MYO16: variants seen among roughly 807,000 people sequenced by gnomAD.
The protein encoded by MYO16 is myosin XVI.
A neutral mutation model predicts 205.3 loss-of-function variants in MYO16; 94 were observed. That is an observed-to-expected ratio of 0.46 (90% CI 0.39 to 0.54). The LOEUF (loss-of-function observed/expected upper bound fraction) is 0.54, where lower values mean the gene tolerates loss of function less well. Ranked by LOEUF, MYO16 falls within the 20% of genes least tolerant of loss-of-function variation. The pLI is 0.00. For synonymous variants in MYO16, 988 were observed against 954.0 expected (o/e 1.04, Z -0.66); for missense variants, 2,315 against 2,387.5 (o/e 0.97, Z 0.63).
chr13:108,880,394 T>C (rs1212582549), intron 12 of MYO16, among the ~76,000 whole-genome samples: 1 of 152,386 alleles, frequency 6.6e-6, no homozygotes, highest in Middle Eastern at 3.4e-3. Context: ...ATTTTGACTT[T>C]TGTTGCCATT....
intron 1 of MYO16, among the ~76,000 whole-genome samples, chr13:108,622,418 TC>T (rs1330638648): frequency 6.6e-6 from 1 of 152,050 alleles, no homozygotes; most frequent in Non-Finnish European, 1.5e-5. Flanking sequence ...AGGATTCATA[TC>T]CAAGGAAGTT....
chr13:108,917,982 C>T (rs754634619), intron 16 of MYO16, among the ~76,000 whole-genome samples: 10 of 152,182 alleles, frequency 6.6e-5, no homozygotes, highest in Non-Finnish European at 1.0e-4. Context: ...CTGAGAACTG[C>T]GGTTGCTTTG....
chr13:109,018,400 G>A (rs969049247), intron 22 of MYO16, among the ~76,000 whole-genome samples: 39 of 152,252 alleles, frequency 2.6e-4, no homozygotes, highest in African/African-American at 8.2e-4. Flanking sequence ...GGTGTCAGTC[G>A]GCCCCTACTG....
chr13:109,095,169 A>G (rs1888739850), intron 27 of MYO16, among the ~76,000 whole-genome samples: 1 of 152,246 alleles, frequency 6.6e-6, no homozygotes, highest in Non-Finnish European at 1.5e-5. Context: ...GGAAAGGCTC[A>G]TGTTTACTTT....
At chr13:108,774,911 A>G (rs1886078414) in intron 4 of MYO16, among the ~76,000 whole-genome samples, 1 of 152,132 alleles carries the variant, frequency 6.6e-6, no homozygotes, top group Admixed American at 6.5e-5. Flanking sequence ...TTCCTAATCC[A>G]TATGTTCTTA....
At chr13:109,183,841 C>A (rs1185557145) in intron 34 of MYO16, among the ~76,000 whole-genome samples, 1 of 152,120 alleles carries the variant, frequency 6.6e-6, no homozygotes, top group African/African-American at 2.4e-5. Context: ...CTCACTCCTG[C>A]CATAGCTGCC....
rs146050295 is a variant in MYO16 at position 108,841,856 on chromosome 13, A to G, written c.1098-2487A>G. ...ACAAAGCTATAGTAATCAAAATAGT[A>G]TGATAGTGGCAATAAAACAGACACA... On this transcript the variant is annotated intron_variant, in intron 9 of 34. Coordinates refer to ENST00000457511, the MANE Select transcript of MYO16 (RefSeq NM_001198950.3). Among the ~76,000 whole-genome samples the G allele has an allele frequency of 5.9e-5, 9 of 152,300 alleles. No homozygotes were observed. The East Asian group carries it at 1.7e-3, about 29-fold the overall frequency.
intron 22 of MYO16, among the ~76,000 whole-genome samples, chr13:109,010,959 A>T (rs1273522980): frequency 9.0e-6 from 1 of 111,510 alleles, no homozygotes; most frequent in Non-Finnish European, 2.0e-5. Flanking sequence ...ATATAATATT[A>T]TATATATATA....
chr13:108,849,661 G>GTT (rs1877734711), intron 10 of MYO16, among the ~76,000 whole-genome samples: 1 of 112,208 alleles, frequency 8.9e-6, no homozygotes, highest in African/African-American at 3.4e-5. Flanking sequence ...GTGTGTGTGT[G>GTT]TGTGTAACTT....
the MYO16 span, among the ~76,000 whole-genome samples, chr13:108,564,439 G>T: frequency 6.6e-6 from 1 of 152,058 alleles, no homozygotes; most frequent in Non-Finnish European, 1.5e-5. Context: ...GAAGTTCTGG[G>T]ATTACAGGTG....
At chr13:108,734,737 T>A (rs9520994) in intron 4 of MYO16, among the ~76,000 whole-genome samples, 28 of 152,204 alleles carry the variant, frequency 1.8e-4, no homozygotes, top group African/African-American at 6.5e-4. Flanking sequence ...ACTCAGAATT[T>A]CATCTCAGCT....
At chr13:108,981,218 C>A (rs577633510) in intron 20 of MYO16, among the ~76,000 whole-genome samples, 1 of 152,198 alleles carries the variant, frequency 6.6e-6, no homozygotes, top group Non-Finnish European at 1.5e-5. Flanking sequence ...CTCTCTGGAT[C>A]TCCAGCATGC....
rs1286575367 is a variant in MYO16, at chr13:109,140,524, C to T, written c.4312C>T (p.Leu1438=). 2 of 1,552,334 alleles carry T rather than the reference C, an allele frequency of 1.3e-6. No individual in the cohort carries two copies. Among genetic ancestry groups the T allele is most frequent in the South Asian group, 1.2e-5 (1 of 85,460 alleles). ...DDSEPVYIEM[L]GHAARPDSPD... is the part of the protein sequence containing the mutation. ...CAGCGAGCCTGTGTACATCGAGATG[C>T]TGGGGCACGCGGCCAGGCCCGATAG... Residue 1438 remains leucine (L), a synonymous_variant, in exon 32 of 35, where the codon CTG becomes TTG. Coordinates refer to ENST00000457511, the MANE Select transcript of MYO16 (RefSeq NM_001198950.3). This position sits in a 1 kb window ranked among gnomAD's most constrained non-coding sequence, Gnocchi z 8.0.
intron 7 of MYO16, among the ~76,000 whole-genome samples, chr13:108,812,776 A>G (rs1887334362): frequency 6.6e-6 from 1 of 152,152 alleles, no homozygotes; most frequent in Non-Finnish European, 1.5e-5. Flanking sequence ...CCCTCATGAA[A>G]GGATTAATAC....
In MYO16 at chr13:108,721,980, G is replaced by A. The variant is rs72666761; in HGVS notation, c.364-5460G>A. 4.0e-3 allele frequency among the ~76,000 whole-genome samples: 604 copies of A among 152,206 alleles called. 2 individuals are homozygous for A. The highest frequency in any genetic ancestry group is 5.5e-3 in the Non-Finnish European group (376 of 68,008). The stretch of plus-strand genomic sequence containing the variant: ...AGGCAGGTTACCCATATAGTCACAC[G>A]GGGCCTTCTTTTTAGAAAGGTACCA... On this transcript the variant is annotated intron_variant, in intron 3 of 34. Coordinates refer to ENST00000457511, the MANE Select transcript of MYO16 (RefSeq NM_001198950.3).
upstream of MYO16, chr13:108,596,074 G>A (rs911728314): frequency 1.3e-5 from 2 of 150,640 alleles, no homozygotes; most frequent in Non-Finnish European, 3.0e-5. Context: ...CGATCTACAG[G>A]AATCGGCCTC....
At chr13:108,745,190 T>C (rs1473186282) in intron 4 of MYO16, among the ~76,000 whole-genome samples, 4 of 152,180 alleles carry the variant, frequency 2.6e-5, no homozygotes, top group Non-Finnish European at 4.4e-5. Context: ...GGGATGAAGA[T>C]GGTCTGGAGC....
intron 24 of MYO16, among the ~76,000 whole-genome samples, chr13:109,047,704 A>G (rs1377432599): frequency 3.9e-5 from 6 of 152,238 alleles, no homozygotes; most frequent in East Asian, 1.9e-4. Context: ...AAAACATTGC[A>G]TCTTGTATGC....
At chr13:108,936,940 T>A (rs540361282) in intron 16 of MYO16, among the ~76,000 whole-genome samples, 2 of 152,350 alleles carry the variant, frequency 1.3e-5, no homozygotes, top group Non-Finnish European at 2.9e-5. Context: ...CTTTATAGTG[T>A]CTGTGTACTA....
Sources: gnomAD v4.1 joint callset for allele counts (sites outside exome capture counted in the v4.1 genomes callset) on GRCh38, gnomAD v4.1.1 for gene constraint, Gnocchi (gnomAD v3.1) non-coding constraint, MANE v1.5 for transcripts, NCBI Gene and HGNC (gene_info 2026-07-23, HGNC 2026-07-21) for gene names.